Variants in PARD3B observed in about 807,000 individuals in gnomAD.
The protein encoded by PARD3B is par-3 family cell polarity regulator beta.
PARD3B carries 103 observed loss-of-function variants against 130.2 expected under a neutral mutation model. That is an observed-to-expected ratio of 0.79 (90% CI 0.67 to 0.93). The LOEUF is 0.93. Among genes scored for constraint, PARD3B ranks in the 40% least tolerant of loss-of-function variants. The pLI is 0.00. For synonymous variants in PARD3B, 583 were observed against 553.2 expected (o/e 1.05, Z -0.76); for missense variants, 1,609 against 1,499.2 (o/e 1.07, Z -1.21).
At chr2:205,343,599 G>GCA (rs2043627603) in intron 18 of PARD3B, among the ~76,000 whole-genome samples, 1 of 152,176 alleles carries the variant, frequency 6.6e-6, no homozygotes. Context: ...AGTAACATAA[G>GCA]CACTTTCTCT....
intron 19 of PARD3B, among the ~76,000 whole-genome samples, chr2:205,422,440 A>G (rs1010601542): frequency 4.6e-5 from 7 of 152,206 alleles, no homozygotes; most frequent in Admixed American, 1.3e-4. Context: ...CTGCTGTTTA[A>G]TGACTAGATT....
At position 204,673,063 on chromosome 2, in the gene PARD3B, T is replaced by TACCA. The variant is rs2036382365; in HGVS notation, c.121-13118_121-13117insACCA. 6.6e-6 allele frequency among the ~76,000 whole-genome samples: 1 copy of TACCA among 152,202 alleles called. No individual in the cohort carries two copies. The highest frequency in any genetic ancestry group is 2.1e-4 in the South Asian group (1 of 4,828). On this transcript the variant is annotated intron_variant, in intron 1 of 22. Coordinates refer to ENST00000406610, the MANE Select transcript of PARD3B (RefSeq NM_001302769.2). The surrounding 1 kb of genome is among the most constrained non-coding windows in gnomAD (Gnocchi z 4.7). ...ATCCAGTGAGGGTAGAGGATATTGT[T>TACCA]CCCATTTATGAGTGGTAAATTTTGA...
At chr2:205,159,223 G>A (rs849121) in intron 11 of PARD3B, among the ~76,000 whole-genome samples, 108,616 of 152,094 alleles carry the variant, frequency 0.71, 39,132 homozygotes, top group African/African-American at 0.79. Flanking sequence ...AAAAGTACAC[G>A]ATCAGAAAAA....
intron 2 of PARD3B, among the ~76,000 whole-genome samples, chr2:204,935,493 G>T (rs533904488): frequency 5.3e-5 from 8 of 150,016 alleles, no homozygotes; most frequent in Non-Finnish European, 1.2e-4. Context: ...GAGCCAAGAT[G>T]GCGCCACTGT....
intron 21 of PARD3B, among the ~76,000 whole-genome samples, chr2:205,549,480 A>T (rs563144637): frequency 6.6e-6 from 1 of 152,204 alleles, no homozygotes; most frequent in Admixed American, 6.6e-5. Flanking sequence ...CTATCAAGCC[A>T]TGAAAAAGCA....
intron 2 of PARD3B, among the ~76,000 whole-genome samples, chr2:204,699,966 C>A (rs2037814647): frequency 6.6e-6 from 1 of 152,112 alleles, no homozygotes; most frequent in South Asian, 2.1e-4. Flanking sequence ...TGTATATACA[C>A]TAACAGAAAA....
chr2:204,774,194 T>C lies in PARD3B; in HGVS notation c.222+87912T>C, dbSNP rs182203008. ...CTCAAATAGCACCTTTCTTCTTCTG[T>C]ATCTATTATGCTGTTTTGTTTTTCT... is the stretch of plus-strand genomic sequence containing the variant. On this transcript the variant is annotated intron_variant, in intron 2 of 22. Transcript: ENST00000406610. 6.6e-5 allele frequency among the ~76,000 whole-genome samples: 10 copies of C among 152,074 alleles called. No individual in the cohort carries two copies. The East Asian group carries it at 1.4e-3, about 21-fold the overall frequency.
At chr2:204,764,132 G>A (rs1041618463) in intron 2 of PARD3B, among the ~76,000 whole-genome samples, 1 of 152,072 alleles carries the variant, frequency 6.6e-6, no homozygotes, top group African/African-American at 2.4e-5. Context: ...ACAGAGAGAG[G>A]GCCCCAAAGA....
chr2:205,219,265 G>T (rs141891617), intron 15 of PARD3B, among the ~76,000 whole-genome samples: 8 of 152,112 alleles, frequency 5.3e-5, no homozygotes, highest in Non-Finnish European at 1.0e-4. Context: ...AGAAAGGAGC[G>T]TGATTTAAGT....
intron 18 of PARD3B, among the ~76,000 whole-genome samples, chr2:205,346,363 C>T (rs2043791279): frequency 6.6e-6 from 1 of 151,956 alleles, no homozygotes; most frequent in Non-Finnish European, 1.5e-5. Flanking sequence ...TACCTTGCCT[C>T]CTTGCCTCCC....
At chr2:204,627,396 A>T (rs1283357724) in intron 1 of PARD3B, among the ~76,000 whole-genome samples, 1 of 152,228 alleles carries the variant, frequency 6.6e-6, no homozygotes, top group African/African-American at 2.4e-5. Context: ...TCATAACAAT[A>T]GAATGTACAT....
chr2:205,087,612 A>C (rs1330882173), intron 4 of PARD3B, among the ~76,000 whole-genome samples: 4 of 152,188 alleles, frequency 2.6e-5, no homozygotes, highest in Admixed American at 2.6e-4. Flanking sequence ...GAGAGTAATG[A>C]ATGCAATAAA....
chr2:205,156,159 A>G (rs1375037870), intron 10 of PARD3B, among the ~76,000 whole-genome samples: 1 of 151,576 alleles, frequency 6.6e-6, no homozygotes, highest in Non-Finnish European at 1.5e-5. Flanking sequence ...AACTATCGCA[A>G]GGACAAAAAA....
In PARD3B at chr2:205,405,592, G is replaced by A. The variant is rs548084082; in HGVS notation, c.2741+4469G>A. 6.6e-6 allele frequency among the ~76,000 whole-genome samples: 1 copy of A among 152,198 alleles called. No homozygotes were observed. Among genetic ancestry groups the A allele is most frequent in the South Asian group, 2.1e-4 (1 of 4,816 alleles). On this transcript the variant is annotated intron_variant, in intron 19 of 22. Coordinates refer to ENST00000406610, the MANE Select transcript of PARD3B (RefSeq NM_001302769.2). This position sits in a 1 kb window ranked among gnomAD's most constrained non-coding sequence, Gnocchi z 4.1. ...ACTGATGAATATCCCATCAATCTAAGCTTGCAAGAATAATTTTTTTCGTTA... is the reference window on the plus strand; with the variant it reads ...ACTGATGAATATCCCATCAATCTAAACTTGCAAGAATAATTTTTTTCGTTA...
intron 15 of PARD3B, among the ~76,000 whole-genome samples, chr2:205,224,487 A>T (rs73067192): frequency 3.8e-3 from 571 of 151,184 alleles, no homozygotes; most frequent in African/African-American, 0.013. Flanking sequence ...TCTTATTCTG[A>T]CTATATTTTT....
At chr2:204,571,304 T>C (rs2125068374) in intron 1 of PARD3B, among the ~76,000 whole-genome samples, 1 of 152,340 alleles carries the variant, frequency 6.6e-6, no homozygotes, top group South Asian at 2.1e-4. Context: ...ACCTCAGGCA[T>C]AGAGTAGCTT....
intron 16 of PARD3B, among the ~76,000 whole-genome samples, chr2:205,266,242 A>C (rs2040499956): frequency 6.6e-6 from 1 of 152,138 alleles, no homozygotes; most frequent in African/African-American, 2.4e-5. Flanking sequence ...GGAATTTGGC[A>C]ACTGTTTAAC....
chr2:205,488,757 C>T (rs2049547558), intron 20 of PARD3B, among the ~76,000 whole-genome samples: 1 of 152,128 alleles, frequency 6.6e-6, no homozygotes, highest in African/African-American at 2.4e-5. Flanking sequence ...CAACTCAGTT[C>T]ATGTTCAGGG....
chr2:204,592,570 T>A (rs2033122413), intron 1 of PARD3B, among the ~76,000 whole-genome samples: 1 of 152,226 alleles, frequency 6.6e-6, no homozygotes, highest in Admixed American at 6.5e-5. Flanking sequence ...TGTATTATAC[T>A]TTTTAAAATG....
Sources: allele counts gnomAD v4.1 joint callset (sites outside exome capture counted in the v4.1 genomes callset), GRCh38; gene constraint gnomAD v4.1.1; non-coding constraint Gnocchi (gnomAD v3.1); transcripts MANE v1.5; gene names NCBI Gene and HGNC (gene_info 2026-07-23, HGNC 2026-07-21).